The following POU6F2 variants were observed in gnomAD, a reference collection of about 807,000 sequenced individuals.
POU6F2 encodes the protein POU class 6 homeobox 2, also known as POU domain, class 6, transcription factor 2.
A neutral mutation model predicts 71.3 loss-of-function variants in POU6F2; 31 were observed. The ratio of observed to expected loss-of-function variants is 0.43; its 90% CI spans 0.33 to 0.59. The LOEUF (loss-of-function observed/expected upper bound fraction) is 0.59. POU6F2 is among the 20% of genes least tolerant of loss of function. The pLI is 0.04. For missense variants in POU6F2, 783 were observed against 856.8 expected (o/e 0.91, Z 1.07); for synonymous variants, 347 against 355.7 (o/e 0.98, Z 0.27).
At position 39,015,677 on chromosome 7, in the gene POU6F2, C is replaced by CTA. The variant is rs1253855855; in HGVS notation, c.105+37621_105+37622dup. ...TATATTATATATAGATATATTATAT[C>CTA]TATGTTATATATCTATATATTATAT... On this transcript the variant is annotated intron_variant, in intron 1 of 9. Coordinates refer to ENST00000518318, the MANE Select transcript of POU6F2 (RefSeq NM_001370959.1). Among the ~76,000 whole-genome samples, 20 of 22,288 alleles carry CTA rather than the reference C, an allele frequency of 9.0e-4. No individual in the cohort carries two copies. In the East Asian group the frequency reaches 0.021, roughly 23 times the overall value. The allele number at this position is 22,288 out of a possible 152,430, so 14.6% of individuals were successfully genotyped here. A position where few individuals can be genotyped will look rare whatever the true frequency, so the allele number is the denominator to read the frequency against.
chr7:39,191,959 C>T (rs181665450), intron 2 of POU6F2, among the ~76,000 whole-genome samples: 1 of 152,248 alleles, frequency 6.6e-6, no homozygotes, highest in African/African-American at 2.4e-5. Flanking sequence ...CTTGATGAGA[C>T]ATTAATTTGA....
At position 39,024,443 on chromosome 7, in the gene POU6F2, G is replaced by A. The variant is rs368296125; in HGVS notation, c.105+46385G>A. On this transcript the variant is annotated intron_variant, in intron 1 of 9. Transcript: ENST00000518318. Reference sequence around the variant, plus strand: ...GGTTTTCTAGATATACAATCATGTCGTCTGCAAACAGGGACAATTTGACTT... The same window carrying A: ...GGTTTTCTAGATATACAATCATGTCATCTGCAAACAGGGACAATTTGACTT... Among the ~76,000 whole-genome samples the A allele has an allele frequency of 5.5e-4, 84 of 151,932 alleles. 2 individuals are homozygous for A. In the East Asian group the frequency reaches 7.0e-3, roughly 13 times the overall value.
intron 4 of POU6F2, among the ~76,000 whole-genome samples, chr7:39,208,770 G>C (rs1794076004): frequency 6.6e-6 from 1 of 152,160 alleles, no homozygotes; most frequent in African/African-American, 2.4e-5. Flanking sequence ...AACTTTGCTT[G>C]TTTCAAATTT....
intron 4 of POU6F2, among the ~76,000 whole-genome samples, chr7:39,304,143 A>C (rs1279343010): frequency 6.6e-6 from 1 of 152,224 alleles, no homozygotes; most frequent in African/African-American, 2.4e-5. Flanking sequence ...CTTTATATTA[A>C]AAGCCCACCG....
At chr7:39,029,519 T>C (rs1174809071) in intron 1 of POU6F2, among the ~76,000 whole-genome samples, 1 of 151,992 alleles carries the variant, frequency 6.6e-6, no homozygotes, top group Non-Finnish European at 1.5e-5. Context: ...TGAGAAATTA[T>C]ATAGTGGATC....
intron 4 of POU6F2, among the ~76,000 whole-genome samples, chr7:39,308,541 A>T (rs1489525934): frequency 2.0e-5 from 3 of 152,230 alleles, no homozygotes; most frequent in Non-Finnish European, 4.4e-5. Context: ...AGATGTGAGT[A>T]AGAATTGAGC....
At chr7:39,195,704 C>G (rs1013000904) in intron 2 of POU6F2, among the ~76,000 whole-genome samples, 1 of 151,924 alleles carries the variant, frequency 6.6e-6, no homozygotes, top group Non-Finnish European at 1.5e-5. Flanking sequence ...ATGGGGAAGT[C>G]CTGTAGGTCT....
chr7:39,262,736 T>TTTG (rs112619101), intron 4 of POU6F2, among the ~76,000 whole-genome samples: 55,397 of 151,592 alleles, frequency 0.37, 11,295 homozygotes, highest in African/African-American at 0.55. Flanking sequence ...ATAGTTGTAG[T>TTTG]TTGTTGTTGT....
chr7:39,375,145 G>A (rs1325014705), intron 5 of POU6F2, among the ~76,000 whole-genome samples: 1 of 152,102 alleles, frequency 6.6e-6, no homozygotes, highest in Non-Finnish European at 1.5e-5. Context: ...GAATATGCTT[G>A]TTTTACCTGA....
intron 4 of POU6F2, among the ~76,000 whole-genome samples, chr7:39,284,315 T>C (rs1422293065): frequency 6.6e-6 from 1 of 152,226 alleles, no homozygotes; most frequent in Non-Finnish European, 1.5e-5. Flanking sequence ...AGTCATATAA[T>C]AAACTCCTGT....
intron 7 of POU6F2, among the ~76,000 whole-genome samples, chr7:39,436,035 A>G (rs1402881975): frequency 1.3e-5 from 2 of 152,130 alleles, no homozygotes; most frequent in Admixed American, 1.3e-4. Context: ...GCCTTGTAGT[A>G]TAGTTTGAAG....
intron 1 of POU6F2, among the ~76,000 whole-genome samples, chr7:39,051,271 C>T (rs1350301874): frequency 6.6e-6 from 1 of 152,138 alleles, no homozygotes; most frequent in African/African-American, 2.4e-5. Context: ...AGCTGATCCA[C>T]AAGAGTGGCA....
chr7:39,206,064 CTA>C (rs1794005684), intron 3 of POU6F2, among the ~76,000 whole-genome samples: 1 of 152,328 alleles, frequency 6.6e-6, no homozygotes, highest in African/African-American at 2.4e-5. Context: ...GGTAGATTAA[CTA>C]CAGCATTAGA....
intron 4 of POU6F2, among the ~76,000 whole-genome samples, chr7:39,316,004 G>T (rs1022201041): frequency 1.3e-5 from 2 of 152,258 alleles, no homozygotes; most frequent in Non-Finnish European, 2.9e-5. Flanking sequence ...GCTTGAGGAG[G>T]CCCTTCCTTG....
At chr7:39,405,798 T>G (rs958681638) in intron 5 of POU6F2, among the ~76,000 whole-genome samples, 1 of 152,166 alleles carries the variant, frequency 6.6e-6, no homozygotes, top group African/African-American at 2.4e-5. Context: ...AAACAGATTT[T>G]GGCAGCCATA....
chr7:39,395,159 G>A (rs918989025), intron 5 of POU6F2, among the ~76,000 whole-genome samples: 1 of 152,062 alleles, frequency 6.6e-6, no homozygotes, highest in African/African-American at 2.4e-5. Flanking sequence ...CTCCATCATT[G>A]CCTATGAACA....
intron 7 of POU6F2, among the ~76,000 whole-genome samples, chr7:39,443,380 G>C (rs1205560081): frequency 6.6e-6 from 1 of 152,176 alleles, no homozygotes; most frequent in Non-Finnish European, 1.5e-5. Context: ...TGAGCGCAGC[G>C]GAAAAGAGCA....
At chr7:39,062,059 T>C (rs1790667797) in intron 1 of POU6F2, among the ~76,000 whole-genome samples, 1 of 152,188 alleles carries the variant, frequency 6.6e-6, no homozygotes, top group Non-Finnish European at 1.5e-5. Context: ...CTTTTTAAAG[T>C]GAAACTGGTC....
intron 7 of POU6F2, among the ~76,000 whole-genome samples, chr7:39,444,310 G>A (rs553997077): frequency 3.9e-5 from 6 of 152,212 alleles, no homozygotes; most frequent in South Asian, 2.1e-4. Context: ...AAGGCCGGGC[G>A]CAGTGGCTCG....
Sources: allele counts gnomAD v4.1 joint callset (sites outside exome capture counted in the v4.1 genomes callset), GRCh38; gene constraint gnomAD v4.1.1; transcripts MANE v1.5; gene names NCBI Gene and HGNC (gene_info 2026-07-23, HGNC 2026-07-21).